Variants in GPR158 observed in about 807,000 individuals in gnomAD.
The protein encoded by GPR158 is G protein-coupled receptor 158.
GPR158 carries 30 observed loss-of-function variants against 78.2 expected under a neutral mutation model. The observed-to-expected ratio is 0.38, with a 90% CI of 0.29 to 0.52. The LOEUF (loss-of-function observed/expected upper bound fraction) is 0.52, where lower values mean the gene tolerates loss of function less well. GPR158 is among the 20% of genes least tolerant of loss of function. GPR158 has a pLI of 0.83. For synonymous variants in GPR158, 581 were observed against 591.1 expected, an observed-to-expected ratio of 0.98 and a Z score of 0.25; for missense variants, 1,463 against 1,523.5, an observed-to-expected ratio of 0.96 and a Z score of 0.66.
intron 2 of GPR158, among the ~76,000 whole-genome samples, chr10:25,286,992 T>G (rs1307063915): frequency 6.6e-6 from 1 of 152,158 alleles, no homozygotes; most frequent in Non-Finnish European, 1.5e-5. Context: ...CATTGTTACT[T>G]GATGCCTGCT....
intron 2 of GPR158, among the ~76,000 whole-genome samples, chr10:25,346,801 G>T (rs1171075109): frequency 6.6e-6 from 1 of 151,886 alleles, no homozygotes; most frequent in Admixed American, 6.6e-5. Flanking sequence ...ATTGATGAAA[G>T]ATCTAAATTT....
chr10:25,327,555 G>C (rs1855054452), intron 2 of GPR158, among the ~76,000 whole-genome samples: 2 of 48,582 alleles, frequency 4.1e-5, no homozygotes, highest in Non-Finnish European at 1.0e-4. Context: ...TCTCACGTGA[G>C]ATAAAGACTC....
intron 2 of GPR158, among the ~76,000 whole-genome samples, chr10:25,369,738 G>A (rs1182937344): frequency 1.3e-5 from 2 of 151,478 alleles, no homozygotes; most frequent in Non-Finnish European, 3.0e-5. Flanking sequence ...GTTTCAGAAG[G>A]AATGGTACCA....
intron 5 of GPR158, among the ~76,000 whole-genome samples, chr10:25,517,835 T>C (rs1221490560): frequency 1.3e-5 from 2 of 149,326 alleles, no homozygotes; most frequent in Non-Finnish European, 3.0e-5. Flanking sequence ...AAAATTCTCT[T>C]TTTTGGTTGT....
intron 2 of GPR158, among the ~76,000 whole-genome samples, chr10:25,224,237 T>C (rs1212369260): frequency 2.0e-5 from 3 of 152,128 alleles, no homozygotes; most frequent in Non-Finnish European, 4.4e-5. Flanking sequence ...TTAATTTTTG[T>C]TTTAAATATT....
chr10:25,582,750 C>G (rs1344489303), intron 7 of GPR158, among the ~76,000 whole-genome samples: 1 of 152,188 alleles, frequency 6.6e-6, no homozygotes, highest in African/African-American at 2.4e-5. Flanking sequence ...ATAAAACCTT[C>G]ACAAAGGTAG....
At chr10:25,415,342 A>T (rs2130552862) in intron 4 of GPR158, among the ~76,000 whole-genome samples, 2 of 152,092 alleles carry the variant, frequency 1.3e-5, no homozygotes, top group East Asian at 1.9e-4. Flanking sequence ...AAACCAATTT[A>T]AAAAGTGAGC....
intron 2 of GPR158, among the ~76,000 whole-genome samples, chr10:25,343,511 C>G (rs1312038282): frequency 6.6e-6 from 1 of 151,952 alleles, no homozygotes; most frequent in Middle Eastern, 3.2e-3. Context: ...ACTCATTGTT[C>G]TTTCCAGTTT....
chr10:25,560,264 CATTTTATTTTTATTTTTT>C (rs1836844100), intron 6 of GPR158, among the ~76,000 whole-genome samples: 2 of 151,942 alleles, frequency 1.3e-5, no homozygotes, highest in Admixed American at 1.3e-4. Flanking sequence ...TTTTATTTTT[CATTTTATTTTTATTTTTT>C]TGAGACGGAG....
chr10:25,400,144 A>T (rs1834420796), intron 3 of GPR158, among the ~76,000 whole-genome samples: 1 of 152,232 alleles, frequency 6.6e-6, no homozygotes, highest in South Asian at 2.1e-4. Flanking sequence ...TCATTATATT[A>T]GGTTAACCAG....
intron 2 of GPR158, among the ~76,000 whole-genome samples, chr10:25,391,793 G>T (rs556122310): frequency 2.6e-5 from 4 of 152,262 alleles, no homozygotes; most frequent in South Asian, 2.1e-4. Flanking sequence ...GAGGACATGA[G>T]ATTTGGGAGG....
rs1837029053 is a variant in GPR158, at chr10:25,572,834, ACCT to A, written c.1702_1704del (p.Leu568del). ...ATTGGCCAGGGGAAAACATCCGATC[ACCT>A]CATCTTCAATATGTGCCTCATTGAC... On this transcript the variant is annotated inframe_deletion, in exon 7 of 11. Coordinates refer to ENST00000376351, the MANE Select transcript of GPR158 (RefSeq NM_020752.3). 1.2e-6 allele frequency: 2 copies of A among 1,613,688 alleles called. No homozygotes were observed. Among genetic ancestry groups the A allele is most frequent in the Non-Finnish European group, 1.7e-6 (2 of 1,179,754 alleles).
At chr10:25,542,645 A>G (rs1836602302) in intron 5 of GPR158, among the ~76,000 whole-genome samples, 2 of 152,054 alleles carry the variant, frequency 1.3e-5, no homozygotes, top group Admixed American at 1.3e-4. Context: ...CAACATGGTG[A>G]AACCCCGTCT....
chr10:25,433,588 T>C lies in GPR158; in HGVS notation c.1335+21115T>C, dbSNP rs202034101. ...GTGTGTGTGCGCGCGCGCGTGCGCG[T>C]GCGCATATATGAATGTCAAGGTGGT... is the stretch of plus-strand genomic sequence containing the variant. On this transcript the variant is annotated intron_variant, in intron 4 of 10. Transcript: ENST00000376351. Among the ~76,000 whole-genome samples, 1,174 of 147,628 alleles carry C rather than the reference T, an allele frequency of 8.0e-3. 17 individuals carry two copies. The highest frequency in any genetic ancestry group is 0.026 in the African/African-American group (1,032 of 39,356).
intron 4 of GPR158, 55 bp downstream of exon 4, chr10:25,412,528 T>C: frequency 8.1e-7 from 1 of 1,230,550 alleles, no homozygotes; most frequent in Non-Finnish European, 1.2e-6. Context: ...CTCTTATCTT[T>C]TTAAGCAAAC....
intron 3 of GPR158, among the ~76,000 whole-genome samples, chr10:25,398,523 A>C (rs1419949615): frequency 6.6e-6 from 1 of 152,230 alleles, no homozygotes; most frequent in Non-Finnish European, 1.5e-5. Context: ...ACTGAAATAA[A>C]ACATCTAAAT....
At chr10:25,519,598 G>C (rs56327415) in intron 5 of GPR158, among the ~76,000 whole-genome samples, 2 of 143,790 alleles carry the variant, frequency 1.4e-5, no homozygotes, top group Non-Finnish European at 1.5e-5. Flanking sequence ...GCATTTGCTT[G>C]TCTGTAAAGT....
chr10:25,546,359 T>G (rs1836662047), intron 5 of GPR158, among the ~76,000 whole-genome samples: 1 of 152,160 alleles, frequency 6.6e-6, no homozygotes. Context: ...TCAAGCAGAC[T>G]TCTAGATGTC....
chr10:25,589,477 A>G lies in GPR158; in HGVS notation c.1892+332A>G, dbSNP rs566178420. ...AAGATATAATGCAATACGTGCATAC[A>G]TTGTAAAGCAGATACAGTTAACTTA... is the stretch of plus-strand genomic sequence containing the variant. On this transcript the variant is annotated intron_variant, in intron 8 of 10. Coordinates refer to ENST00000376351, the MANE Select transcript of GPR158 (RefSeq NM_020752.3). Among the ~76,000 whole-genome samples the G allele has an allele frequency of 5.9e-5, 9 of 152,382 alleles. No individual in the cohort carries two copies. The South Asian group carries it at 1.4e-3, about 25-fold the overall frequency.
Sources: allele counts gnomAD v4.1 joint callset (sites outside exome capture counted in the v4.1 genomes callset), GRCh38; gene constraint gnomAD v4.1.1; transcripts MANE v1.5; gene names NCBI Gene and HGNC (gene_info 2026-07-23, HGNC 2026-07-21).